TRIM56: variants seen among roughly 807,000 people sequenced by gnomAD.
TRIM56 encodes tripartite motif containing 56, also known as E3 ubiquitin-protein ligase TRIM56.
Under a neutral mutation model 17.1 loss-of-function variants are expected in TRIM56, and 10 were observed. The observed-to-expected ratio is 0.58, with a 90% CI of 0.36 to 0.99. The LOEUF (loss-of-function observed/expected upper bound fraction) is 0.99. Among genes scored for constraint, TRIM56 ranks in the 50% least tolerant of loss-of-function variants. TRIM56 has a pLI of 0.01. For missense variants in TRIM56, 923 were observed against 1,052.3 expected (o/e 0.88, Z 1.70); for synonymous variants, 503 against 473.5 (o/e 1.06, Z -0.81).
rs774801168 is a variant in TRIM56 at position 101,087,625 on chromosome 7, C to T, written c.313C>T (p.Pro105Ser). ...RAGKPACALC[P>S]LVGGTSTGGP... ...CGGGAAGCCAGCCTGTGCCCTGTGT[C>T]CCCTGGTGGGTGGCACCAGCACCGG... is the stretch of plus-strand genomic sequence containing the variant. The change falls in exon 3 of 3, where the codon CCC (proline) becomes TCC (serine). Residue 105 changes from proline (P) to serine (S), a missense_variant. By Grantham distance (74) the Pro-to-Ser change is moderately conservative. Around this residue, in one of 3 missense-constraint regions of TRIM56, gnomAD observed 98 missense variants for 143.6 expected, o/e 0.68. Coordinates refer to ENST00000306085, the MANE Select transcript of TRIM56 (RefSeq NM_030961.3). 4.5e-5 allele frequency: 72 copies of T among 1,611,488 alleles called. No individual in the cohort carries two copies. Among genetic ancestry groups the T allele is most frequent in the Non-Finnish European group, 5.8e-5 (68 of 1,179,214 alleles).
Position 101,096,940 on chromosome 7 carries a change from G to A in TRIM56, c.*7360G>A, listed in dbSNP as rs1128689. Reference sequence around the variant, plus strand: ...GCCAGCTAAGAATCAGACCGTATTAGTTAAGGACCCATAAGAGTAGACATT... The same window carrying A: ...GCCAGCTAAGAATCAGACCGTATTAATTAAGGACCCATAAGAGTAGACATT... On this transcript the variant is annotated 3_prime_UTR_variant, in exon 3 of 3. Transcript: ENST00000306085. 1.3e-5 allele frequency: 2 copies of A among 152,208 alleles called. No homozygotes were observed. The highest frequency in any genetic ancestry group is 2.9e-5 in the Non-Finnish European group (2 of 68,038). The allele number at this position is 152,208 out of a possible 1,614,324, so 9.4% of individuals were successfully genotyped here. A position where few individuals can be genotyped will look rare whatever the true frequency, so the allele number is the denominator to read the frequency against.
chr7:101,087,418 T>C lies in TRIM56; in HGVS notation c.106T>C (p.Cys36Arg), dbSNP rs1307859687. ...EQLRAPKTLP[C>R]LHTYCQDCLA... ...GCTGCGGGCACCCAAGACACTGCCC[T>C]GCCTGCATACCTACTGCCAAGACTG... Residue 36 changes from cysteine (C) to arginine (R), a missense_variant, in exon 3 of 3, where the codon TGC becomes CGC. Cys to Arg is a radical substitution (Grantham distance 180, BLOSUM62 -3). This residue lies in a region of TRIM56 where 98 missense variants were observed against 143.6 expected (regional missense o/e 0.68). Transcript: ENST00000306085. 1 of 1,613,026 alleles carries C rather than the reference T, an allele frequency of 6.2e-7. No individual in the cohort carries two copies. Among genetic ancestry groups the C allele is most frequent in the East Asian group, 2.2e-5 (1 of 44,878 alleles).
Position 101,087,595 on chromosome 7 carries a change from C to A in TRIM56, c.283C>A (p.Arg95Ser). 6.2e-7 allele frequency: 1 copy of A among 1,612,312 alleles called. No homozygotes were observed. Among genetic ancestry groups the A allele is most frequent in the Non-Finnish European group, 8.5e-7 (1 of 1,179,494 alleles). The change falls in exon 3 of 3, where the codon CGT (arginine) becomes AGT (serine). Residue 95 changes from arginine (R) to serine (S), a missense_variant. By Grantham distance (110) the Arg-to-Ser change is moderately radical. Transcript: ENST00000306085. ...GAAGGCCCGGGCCTGTGGAGACCTG[C>A]GTGCCGGGAAGCCAGCCTGTGCCCT... ...LVKARACGDL[R>S]AGKPACALCP...
rs897433785 is a variant in TRIM56, at chr7:101,092,129, G to C, written c.*2549G>C. 10 of 252,098 alleles carry C rather than the reference G, an allele frequency of 4.0e-5. No homozygotes were observed. Among genetic ancestry groups the C allele is most frequent in the Admixed American group, 1.6e-4 (3 of 18,880 alleles). The allele number at this position is 252,098 out of a possible 1,614,324, so 15.6% of individuals were successfully genotyped here. On this transcript the variant is annotated 3_prime_UTR_variant, in exon 3 of 3. Coordinates refer to ENST00000306085, the MANE Select transcript of TRIM56 (RefSeq NM_030961.3). Reference sequence around the variant, plus strand: ...GGCTGGAGTGCAGTGTCGTGATCTCGGCTAGCTACAACCTCCACCTCCCAG... The same window carrying C: ...GGCTGGAGTGCAGTGTCGTGATCTCCGCTAGCTACAACCTCCACCTCCCAG...
Position 101,088,464 on chromosome 7 carries a change from T to A in TRIM56, c.1152T>A (p.Ala384=), listed in dbSNP as rs1795495650. 1 of 1,613,632 alleles carries A rather than the reference T, an allele frequency of 6.2e-7. No individual in the cohort carries two copies. Among genetic ancestry groups the A allele is most frequent in the Non-Finnish European group, 8.5e-7 (1 of 1,179,832 alleles). Residue 384 remains alanine (A), a synonymous_variant, in exon 3 of 3, where the codon GCT becomes GCA. Transcript: ENST00000306085. ...AGAAGGATGGTGGGAAAGACGGAGC[T>A]GGTACCCAGGGAGGTGAGGAGAGCC... ...QPQKDGGKDG[A]GTQGGEESQS...
At chr7:101,086,950 T>C in intron 1 of TRIM56, 56 bp from the exon 2 acceptor site, 1 of 233,314 alleles carries the variant, frequency 4.3e-6, no homozygotes, top group South Asian at 7.6e-5. Context: ...GCCTGTGGAC[T>C]GGGGACACTG....
chr7:101,087,664 G>A lies in TRIM56; in HGVS notation c.352G>A (p.Ala118Thr). 2 of 1,603,174 alleles carry A rather than the reference G, an allele frequency of 1.2e-6. No homozygotes were observed. Among genetic ancestry groups the A allele is most frequent in the Non-Finnish European group, 8.5e-7 (1 of 1,175,950 alleles). Residue 118 changes from alanine to threonine, a missense_variant, in exon 3 of 3, where the codon GCC becomes ACC. By Grantham distance (58) the Ala-to-Thr change is moderately conservative (BLOSUM62 0). Coordinates refer to ENST00000306085, the MANE Select transcript of TRIM56 (RefSeq NM_030961.3). ...CACCAGCACCGGGGGGCCGGCCACG[G>A]CCCGGTGCCTGGACTGTGCCGATGA... ...GGTSTGGPAT[A>T]RCLDCADDLC...
chr7:101,092,540 C>G lies in TRIM56; in HGVS notation c.*2960C>G. On this transcript the variant is annotated 3_prime_UTR_variant, in exon 3 of 3. Coordinates refer to ENST00000306085, the MANE Select transcript of TRIM56 (RefSeq NM_030961.3). The stretch of plus-strand genomic sequence containing the variant: ...CCGCCCCGTCTGAGAAGTGAGGAGC[C>G]CCTCCGCCCGGCAGCCGCCCCGTCC... 1 of 157,956 alleles carries G rather than the reference C, an allele frequency of 6.3e-6. No individual in the cohort carries two copies. The highest frequency in any genetic ancestry group is 1.7e-4 in the South Asian group (1 of 5,828). 9.8% of individuals were successfully genotyped at this position (157,956 alleles called of 1,614,324 possible). A position where few individuals can be genotyped will look rare whatever the true frequency, so the allele number is the denominator to read the frequency against.
rs768547291 is a variant in TRIM56, at chr7:101,089,041, G to A, written c.1729G>A (p.Gly577Ser). 14 of 1,602,378 alleles carry A rather than the reference G, an allele frequency of 8.7e-6. No individual in the cohort carries two copies. Among genetic ancestry groups the A allele is most frequent in the East Asian group, 2.2e-5 (1 of 44,826 alleles). ...SARLYLINPNGEVQWRRALSL... is the reference protein window; with the variant it reads ...SARLYLINPNSEVQWRRALSL... ...ACGGCTCTATCTCATCAACCCCAAC[G>A]GCGAAGTGCAGTGGCGCAGGGCCCT... Residue 577 changes from glycine (G) to serine (S), a missense_variant, in exon 3 of 3, where the codon GGC becomes AGC. Transcript: ENST00000306085.
In TRIM56 at chr7:101,088,692, G is replaced by T; in HGVS notation, c.1380G>T (p.Lys460Asn). The T allele has an allele frequency of 6.2e-7, 1 of 1,614,010 alleles. No homozygotes were observed. Among genetic ancestry groups the T allele is most frequent in the Non-Finnish European group, 8.5e-7 (1 of 1,179,926 alleles). The change falls in exon 3 of 3, where the codon AAG (lysine) becomes AAT (asparagine). Residue 460 changes from lysine (K) to asparagine (N), a missense_variant. Lys to Asn is a moderately conservative substitution (Grantham distance 94). This residue lies in a region of TRIM56 where 643 missense variants were observed against 665.6 expected (regional missense o/e 0.97). Coordinates refer to ENST00000306085, the MANE Select transcript of TRIM56 (RefSeq NM_030961.3). ...QPHRGGRPNK[K>N]KKFKGRLKSI... is the part of the protein sequence containing the mutation. ...ACAGGGGTGGCAGACCCAACAAGAA[G>T]AAAAAGTTCAAAGGCAGGCTCAAGT... is the stretch of plus-strand genomic sequence containing the variant.
intron 1 of TRIM56, among the ~76,000 whole-genome samples, chr7:101,086,078 C>G (rs915439765): frequency 6.6e-6 from 1 of 152,160 alleles, no homozygotes; most frequent in African/African-American, 2.4e-5. Flanking sequence ...GCCTCCACCA[C>G]CCGCGATGCT....
chr7:101,086,589 GGGCATGGT>G (rs1432223871), intron 1 of TRIM56, among the ~76,000 whole-genome samples: 1 of 148,972 alleles, frequency 6.7e-6, no homozygotes, highest in Non-Finnish European at 1.5e-5. Context: ...AAAAAAGGCT[GGGCATGGT>G]GGCACATGCC....
At position 101,092,389 on chromosome 7, in the gene TRIM56, T is replaced by C; in HGVS notation, c.*2809T>C. On this transcript the variant is annotated 3_prime_UTR_variant, in exon 3 of 3. Coordinates refer to ENST00000306085, the MANE Select transcript of TRIM56 (RefSeq NM_030961.3). ...CATCATCTGAGATGTGGGGAGCACC[T>C]CAGCCCCGCCGCCCCGTCTGGGATG... 1 of 171,618 alleles carries C rather than the reference T, an allele frequency of 5.8e-6. No individual in the cohort carries two copies. Among genetic ancestry groups the C allele is most frequent in the Non-Finnish European group, 1.2e-5 (1 of 81,976 alleles). 10.6% of individuals were successfully genotyped at this position (171,618 alleles called of 1,614,324 possible). A position where few individuals can be genotyped will look rare whatever the true frequency, so the allele number is the denominator to read the frequency against.
chr7:101,086,928 G>A (rs1562836043), intron 1 of TRIM56, 78 bp from the exon 2 acceptor site: 1 of 213,350 alleles, frequency 4.7e-6, no homozygotes, highest in Non-Finnish European at 9.4e-6. Flanking sequence ...CTTCCACCAT[G>A]TTTGCCACAA....
chr7:101,088,647 G>A lies in TRIM56; in HGVS notation c.1335G>A (p.Glu445=). The A allele has an allele frequency of 6.2e-7, 1 of 1,613,992 alleles. No individual in the cohort carries two copies. The highest frequency in any genetic ancestry group is 8.5e-7 in the Non-Finnish European group (1 of 1,179,902). ...AGGACAGGGCCCAGACACCCCACGA[G>A]GATGGAGGACCCCAGCCCCACAGGG... ...LEEDRAQTPH[E]DGGPQPHRGG... Residue 445 remains glutamate (E), a synonymous_variant, in exon 3 of 3, where the codon GAG becomes GAA. Coordinates refer to ENST00000306085, the MANE Select transcript of TRIM56 (RefSeq NM_030961.3).
Position 101,097,281 on chromosome 7 carries a change from A to G in TRIM56, c.*7701A>G, listed in dbSNP as rs1181617470. 1.3e-5 allele frequency: 2 copies of G among 152,302 alleles called. No homozygotes were observed. The highest frequency in any genetic ancestry group is 3.9e-4 in the East Asian group (2 of 5,170). 9.4% of individuals were successfully genotyped at this position (152,302 alleles called of 1,614,324 possible). A position where few individuals can be genotyped will look rare whatever the true frequency, so the allele number is the denominator to read the frequency against. The stretch of plus-strand genomic sequence containing the variant: ...AGAACTAGGGCTATCCCATAAATTA[A>G]GTGGGAGATTGGAAAGGGGTGCGGA... On this transcript the variant is annotated 3_prime_UTR_variant, in exon 3 of 3. Coordinates refer to ENST00000306085, the MANE Select transcript of TRIM56 (RefSeq NM_030961.3).
rs1295220038 is a variant in TRIM56, at chr7:101,087,627, C to T, written c.315C>T (p.Pro105=). ...GGAAGCCAGCCTGTGCCCTGTGTCC[C>T]CTGGTGGGTGGCACCAGCACCGGGG... ...RAGKPACALC[P]LVGGTSTGGP... Residue 105 remains proline, a synonymous_variant, in exon 3 of 3, where the codon CCC becomes CCT. Transcript: ENST00000306085. The T allele has an allele frequency of 6.2e-7, 1 of 1,611,494 alleles. No homozygotes were observed. Among genetic ancestry groups the T allele is most frequent in the South Asian group, 1.1e-5 (1 of 90,892 alleles).
intron 2 of TRIM56, 70 bp downstream of exon 2, chr7:101,087,238 A>G: frequency 7.2e-7 from 1 of 1,393,044 alleles, no homozygotes. Flanking sequence ...GGGCTTGAGG[A>G]CGGGCGGTAG....
In TRIM56 at chr7:101,097,674, G is replaced by C. The variant is rs1795670532; in HGVS notation, c.*8094G>C. 1 of 93,064 alleles carries C rather than the reference G, an allele frequency of 1.1e-5. No homozygotes were observed. Among genetic ancestry groups the C allele is most frequent in the African/African-American group, 4.6e-5 (1 of 21,642 alleles). The allele number at this position is 93,064 out of a possible 1,614,324, so 5.8% of individuals were successfully genotyped here. A position where few individuals can be genotyped will look rare whatever the true frequency, so the allele number is the denominator to read the frequency against. On this transcript the variant is annotated 3_prime_UTR_variant, in exon 3 of 3. Coordinates refer to ENST00000306085, the MANE Select transcript of TRIM56 (RefSeq NM_030961.3). ...GGAAGGAGGTTTGGGAGGGCAGCCTGACTTGTCTCCAGAGAAAGTTAGAAC... is the reference window on the plus strand; with the variant it reads ...GGAAGGAGGTTTGGGAGGGCAGCCTCACTTGTCTCCAGAGAAAGTTAGAAC...
Sources: allele counts gnomAD v4.1 joint callset (sites outside exome capture counted in the v4.1 genomes callset), GRCh38; gene constraint gnomAD v4.1.1; regional missense constraint gnomAD v4.1.1; transcripts MANE v1.5; gene names NCBI Gene and HGNC (gene_info 2026-07-23, HGNC 2026-07-21).